Variants in SPATA3 observed in about 807,000 individuals in gnomAD.
SPATA3 encodes spermatogenesis-associated protein 3.
Under a neutral mutation model 5.7 loss-of-function variants are expected in SPATA3, and 6 were observed. The ratio of observed to expected loss-of-function variants is 1.06; its 90% CI spans 0.58 to 2.09. SPATA3 has a LOEUF of 2.09. Ranked by LOEUF, SPATA3 falls within the 30% of genes most tolerant of loss-of-function variation. SPATA3 has a pLI of 0.00. For synonymous variants in SPATA3, 44 were observed against 48.4 expected, an observed-to-expected ratio of 0.91 and a Z score of 0.37; for missense variants, 155 against 130.4, an observed-to-expected ratio of 1.19 and a Z score of -0.92.
chr2:230,996,145 T>C, intron 1 of SPATA3: 1 of 1,408,254 alleles, frequency 7.1e-7, no homozygotes, highest in South Asian at 1.4e-5. Context: ...GCCAGGCTCC[T>C]AGGGCAGAGG....
At chr2:231,005,553 CCACCAT>C (rs1692587691), downstream of SPATA3, among the ~76,000 whole-genome samples, 1 of 63,246 alleles carries the variant, frequency 1.6e-5, no homozygotes, top group African/African-American at 6.3e-5. Flanking sequence ...ATCATCACCA[CCACCAT>C]CATCACCATC....
At chr2:231,002,831 T>C, downstream of SPATA3, 1 of 1,291,088 alleles carries the variant, frequency 7.7e-7, no homozygotes, top group Non-Finnish European at 1.0e-6. Context: ...CTGGCAGGTA[T>C]GTTGAGCGCT....
downstream of SPATA3, among the ~76,000 whole-genome samples, chr2:231,005,490 TCACCAC>T (rs1692576773): frequency 1.2e-4 from 2 of 17,360 alleles, no homozygotes; most frequent in African/African-American, 4.6e-4. Context: ...ACCACCACCA[TCACCAC>T]CATCATCACC....
At chr2:231,017,587 T>G (rs576067496) in intron 6 of SPATA3, among the ~76,000 whole-genome samples, 2 of 152,350 alleles carry the variant, frequency 1.3e-5, no homozygotes, top group African/African-American at 4.8e-5. Context: ...CAGATTTGGA[T>G]TAGCTTCCCT....
At chr2:231,011,983 T>C (rs1692800727), downstream of SPATA3, among the ~76,000 whole-genome samples, 1 of 152,220 alleles carries the variant, frequency 6.6e-6, no homozygotes, top group Non-Finnish European at 1.5e-5. Flanking sequence ...ACTGGAAAAG[T>C]GCCCTTGCCA....
At chr2:231,009,143 A>G (rs950568044), downstream of SPATA3, among the ~76,000 whole-genome samples, 1 of 152,232 alleles carries the variant, frequency 6.6e-6, no homozygotes. Context: ...CTCCAACTGC[A>G]GTGTGGGTAA....
At chr2:231,014,433 T>C (rs1003894933) in intron 6 of SPATA3, among the ~76,000 whole-genome samples, 1 of 152,206 alleles carries the variant, frequency 6.6e-6, no homozygotes, top group African/African-American at 2.4e-5. Context: ...TCTAATAAAC[T>C]GTTTTATCTT....
chr2:230,996,905 G>C (rs1273344987), intron 1 of SPATA3, among the ~76,000 whole-genome samples: 4 of 152,198 alleles, frequency 2.6e-5, no homozygotes. Context: ...GCTTTATTCT[G>C]TCCTCATCAA....
intron 1 of SPATA3, among the ~76,000 whole-genome samples, chr2:230,997,246 G>T (rs1372916584): frequency 6.6e-6 from 1 of 152,192 alleles, no homozygotes. Context: ...TAAGTTTCAT[G>T]AGATCTAATG....
intron 2 of SPATA3, among the ~76,000 whole-genome samples, chr2:231,001,776 G>A (rs1199396139): frequency 6.6e-6 from 1 of 152,150 alleles, no homozygotes; most frequent in East Asian, 1.9e-4. Context: ...TGTTGCAGTC[G>A]ACATGGAGAG....
chr2:231,007,989 G>A (rs1048328677), downstream of SPATA3, among the ~76,000 whole-genome samples: 5 of 152,068 alleles, frequency 3.3e-5, no homozygotes, highest in Non-Finnish European at 5.9e-5. Context: ...CAGCCTGGAC[G>A]ACATAGCAAG....
chr2:231,000,399 C>T (rs1311801166), exon 2 of SPATA3: 1 of 1,535,992 alleles, frequency 6.5e-7, no homozygotes, highest in Admixed American at 2.0e-5. Context: ...CATTCCTGCT[C>T]CTGTGCCACT....
Position 231,015,002 on chromosome 2 carries a change from G to T in SPATA3, c.*565+790G>T, listed in dbSNP as rs78446714. On this transcript the variant is annotated intron_variant, in intron 6 of 8. Transcript: ENST00000452881. ...CTACAGGGAGTCCCAACTTGGGAGAGAGGGGAGCACCAGGAAATCCTACAG... is the reference window on the plus strand; with the variant it reads ...CTACAGGGAGTCCCAACTTGGGAGATAGGGGAGCACCAGGAAATCCTACAG... Among the ~76,000 whole-genome samples, 725 of 152,174 alleles carry T rather than the reference G, an allele frequency of 4.8e-3. 4 individuals carry two copies. Among genetic ancestry groups the T allele is most frequent in the African/African-American group, 0.017 (690 of 41,494 alleles).
downstream of SPATA3, among the ~76,000 whole-genome samples, chr2:231,011,500 T>C (rs771605866): frequency 2.0e-4 from 31 of 152,180 alleles, no homozygotes; most frequent in Non-Finnish European, 1.9e-4. Context: ...GCTGCCTGTC[T>C]GGTCTGTCCA....
chr2:231,011,060 G>T (rs1692768842), downstream of SPATA3, among the ~76,000 whole-genome samples: 1 of 76,792 alleles, frequency 1.3e-5, no homozygotes, highest in Non-Finnish European at 2.4e-5. Flanking sequence ...GTGACAAAAG[G>T]AGACCCTGTC....
chr2:231,009,909 A>G (rs889110300), downstream of SPATA3, among the ~76,000 whole-genome samples: 1 of 152,276 alleles, frequency 6.6e-6, no homozygotes, highest in African/African-American at 2.4e-5. Flanking sequence ...TGTGATATTC[A>G]GAGTGAGTAT....
At chr2:231,010,118 T>C (rs1347915670), downstream of SPATA3, among the ~76,000 whole-genome samples, 4 of 152,256 alleles carry the variant, frequency 2.6e-5, no homozygotes, top group South Asian at 2.1e-4. Flanking sequence ...CTGCAAGTTA[T>C]AGGGGCCAAG....
At chr2:231,006,494 ACT>A (rs1254509269), downstream of SPATA3, among the ~76,000 whole-genome samples, 1 of 146,106 alleles carries the variant, frequency 6.8e-6, no homozygotes, top group Non-Finnish European at 1.5e-5. Context: ...CAACAGCGAA[ACT>A]CTGTCTCAAA....
downstream of SPATA3, among the ~76,000 whole-genome samples, chr2:231,004,823 C>T (rs1221779476): frequency 6.6e-6 from 1 of 152,042 alleles, no homozygotes; most frequent in East Asian, 1.9e-4. Context: ...GCACAGATCT[C>T]ATTGGATTGT....
Sources: gnomAD v4.1 joint callset for allele counts (sites outside exome capture counted in the v4.1 genomes callset) on GRCh38, gnomAD v4.1.1 for gene constraint, MANE v1.5 for transcripts, NCBI Gene and HGNC (gene_info 2026-07-23, HGNC 2026-07-21) for gene names.